PLEKHM3: variants seen among roughly 807,000 people sequenced by gnomAD.
The protein encoded by PLEKHM3 is pleckstrin homology domain-containing family M member 3.
A neutral mutation model predicts 81.8 loss-of-function variants in PLEKHM3; 45 were observed. That is an observed-to-expected ratio of 0.55 (90% CI 0.43 to 0.71). The LOEUF is 0.71. Among genes scored for constraint, PLEKHM3 ranks in the 30% least tolerant of loss-of-function variants. The pLI, the probability that PLEKHM3 is intolerant of heterozygous loss-of-function variation, is 0.00. For missense variants in PLEKHM3, 788 were observed against 924.3 expected (o/e 0.85, Z 1.91); for synonymous variants, 352 against 356.4 (o/e 0.99, Z 0.14).
intron 3 of PLEKHM3, among the ~76,000 whole-genome samples, chr2:207,964,540 G>A (rs1227496842): frequency 6.6e-6 from 1 of 152,166 alleles, no homozygotes; most frequent in Non-Finnish European, 1.5e-5. Flanking sequence ...TATATCTGGA[G>A]CATTAGAATT....
chr2:207,918,479 G>A (rs1219947100), intron 5 of PLEKHM3, among the ~76,000 whole-genome samples: 5 of 152,116 alleles, frequency 3.3e-5, no homozygotes, highest in Non-Finnish European at 5.9e-5. Context: ...CCGAGATTGC[G>A]CCACTGTGCT....
At chr2:208,000,399 T>A (rs997323283) in intron 2 of PLEKHM3, among the ~76,000 whole-genome samples, 2 of 152,234 alleles carry the variant, frequency 1.3e-5, no homozygotes, top group African/African-American at 4.8e-5. Context: ...AAGCCCTTCC[T>A]GAGAAGCCCA....
At chr2:207,908,741 A>G (rs1688709226) in intron 5 of PLEKHM3, among the ~76,000 whole-genome samples, 164 bp from the exon 6 acceptor site, 1 of 152,152 alleles carries the variant, frequency 6.6e-6, no homozygotes, top group African/African-American at 2.4e-5. Context: ...TTTTTCTCAG[A>G]TATTTTTCTT....
chr2:207,882,612 C>CAAAA (rs375414006), intron 6 of PLEKHM3, among the ~76,000 whole-genome samples: 2 of 85,136 alleles, frequency 2.3e-5, no homozygotes, highest in Non-Finnish European at 4.3e-5. Context: ...AACTCCATCT[C>CAAAA]AAAAAAAAAA....
At chr2:207,933,336 AG>A (rs1486183026) in intron 4 of PLEKHM3, among the ~76,000 whole-genome samples, 1 of 152,230 alleles carries the variant, frequency 6.6e-6, no homozygotes, top group Non-Finnish European at 1.5e-5. Flanking sequence ...CCCACAGTTC[AG>A]TGGGAAAGAA....
chr2:207,923,853 A>ACGCG (rs1199307098), intron 5 of PLEKHM3, among the ~76,000 whole-genome samples: 2 of 47,996 alleles, frequency 4.2e-5, no homozygotes, highest in African/African-American at 6.4e-5. Flanking sequence ...ATACACACGC[A>ACGCG]CGCACACACA....
At chr2:207,832,531 C>T (rs892988785) in intron 7 of PLEKHM3, among the ~76,000 whole-genome samples, 20 of 152,290 alleles carry the variant, frequency 1.3e-4, no homozygotes, top group Admixed American at 1.3e-3. Context: ...GTGGCTCATG[C>T]CTGTAATCCC....
intron 5 of PLEKHM3, among the ~76,000 whole-genome samples, chr2:207,916,861 T>C (rs1013910567): frequency 1.3e-5 from 2 of 152,226 alleles, no homozygotes; most frequent in East Asian, 1.9e-4. Context: ...TAAAGAGCTA[T>C]GTATGTATGT....
chr2:207,912,625 A>G (rs1260829046), intron 5 of PLEKHM3, among the ~76,000 whole-genome samples: 6 of 152,230 alleles, frequency 3.9e-5, no homozygotes, highest in African/African-American at 1.4e-4. Flanking sequence ...GAGTTGTAGT[A>G]TGAAAGCACT....
chr2:207,958,468 T>C (rs1243161540), intron 3 of PLEKHM3, among the ~76,000 whole-genome samples: 1 of 152,192 alleles, frequency 6.6e-6, no homozygotes, highest in Admixed American at 6.5e-5. Context: ...ATCAGTTCTA[T>C]TTTCAACATG....
chr2:207,833,111 C>CAAAAAAAA (rs71036960), intron 7 of PLEKHM3, among the ~76,000 whole-genome samples: 1 of 76,872 alleles, frequency 1.3e-5, no homozygotes, highest in African/African-American at 5.2e-5. Flanking sequence ...GACACCATCT[C>CAAAAAAAA]AAAAAAAAAA....
rs1337797752 is a variant in PLEKHM3 at position 207,931,017 on chromosome 2, C to A, written c.1795G>T (p.Ala599Ser). 1.2e-6 allele frequency: 2 copies of A among 1,614,044 alleles called. No homozygotes were observed. Among genetic ancestry groups the A allele is most frequent in the Admixed American group, 3.3e-5 (2 of 60,030 alleles). Residue 599 changes from alanine to serine, a missense_variant, in exon 5 of 8, where the codon GCC becomes TCC. Transcript: ENST00000427836. ...AMLYHHAEPLAAVLRLRQRLK... is the reference protein window; with the variant it reads ...AMLYHHAEPLSAVLRLRQRLK... ...CGCTGCCGCAGCCGCAGCACGGCGG[C>A]CAGCGGCTCTGCGTGGTGGTACAGC...
At chr2:207,858,181 T>TATATA (rs58145531) in intron 7 of PLEKHM3, among the ~76,000 whole-genome samples, 15 of 97,040 alleles carry the variant, frequency 1.5e-4, no homozygotes, top group African/African-American at 3.2e-4. Context: ...TGTGTATATA[T>TATATA]TTTTTTTTTT....
Position 207,983,242 on chromosome 2 carries a change from G to A in PLEKHM3, c.611-5656C>T, listed in dbSNP as rs528977795. Among the ~76,000 whole-genome samples the A allele has an allele frequency of 2.6e-5, 4 of 151,830 alleles. No homozygotes were observed. In the East Asian group the frequency reaches 5.9e-4, roughly 22 times the overall value. On this transcript the variant is annotated intron_variant, in intron 2 of 7. Transcript: ENST00000427836. ...AATTTTTTGTATTTTTAGTACAGAC[G>A]GGGTTTCGCCATGTTAACCAGGATG...
chr2:208,019,211 T>C (rs1693038322), intron 1 of PLEKHM3, among the ~76,000 whole-genome samples: 1 of 151,826 alleles, frequency 6.6e-6, no homozygotes, highest in Admixed American at 6.6e-5. Flanking sequence ...TAGGCTGAGG[T>C]AGGAGGATCG....
At chr2:207,848,531 A>G (rs1289056653) in intron 7 of PLEKHM3, among the ~76,000 whole-genome samples, 1 of 152,270 alleles carries the variant, frequency 6.6e-6, no homozygotes, top group East Asian at 1.9e-4. Context: ...GCTGAGAACA[A>G]TTAGGCATCT....
At chr2:207,992,917 A>T (rs1009290533) in intron 2 of PLEKHM3, among the ~76,000 whole-genome samples, 6 of 152,128 alleles carry the variant, frequency 3.9e-5, no homozygotes, top group African/African-American at 7.2e-5. Context: ...AAATGGCAAA[A>T]AGGTTCAAAA....
Position 207,828,473 on chromosome 2 carries a change from A to G in PLEKHM3, c.2132T>C (p.Phe711Ser). The change falls in exon 8 of 8, where the codon TTC (phenylalanine) becomes TCC (serine). Residue 711 changes from phenylalanine to serine, a missense_variant. Physicochemically the swap from Phe to Ser is radical, Grantham distance 155. Coordinates refer to ENST00000427836, the MANE Select transcript of PLEKHM3 (RefSeq NM_001080475.3). ...AGACTTTTCTTTGCATTCAGAATGGAAAACGGCTCCACAGCTTTCACACCT... is the reference window on the plus strand; with the variant it reads ...AGACTTTTCTTTGCATTCAGAATGGGAAACGGCTCCACAGCTTTCACACCT... The part of the protein sequence containing the change: ...TSRCESCGAV[F>S]HSECKEKSVP... 7 of 1,614,004 alleles carry G rather than the reference A, an allele frequency of 4.3e-6. No individual in the cohort carries two copies. The highest frequency in any genetic ancestry group is 5.9e-6 in the Non-Finnish European group (7 of 1,179,978).
rs549884689 is a variant in PLEKHM3, at chr2:207,948,481, G to A, written c.1547-1969C>T. 5.4e-5 allele frequency among the ~76,000 whole-genome samples: 8 copies of A among 147,578 alleles called. No individual in the cohort carries two copies. The South Asian group carries it at 1.3e-3, about 24-fold the overall frequency. On this transcript the variant is annotated intron_variant, in intron 3 of 7. Transcript: ENST00000427836. ...AGCGATTCTCCTGCCTCAGCCTCCCGAGTAGCTGGGACTACAGGCACGTGC... is the reference window on the plus strand; with the variant it reads ...AGCGATTCTCCTGCCTCAGCCTCCCAAGTAGCTGGGACTACAGGCACGTGC...
Sources: gnomAD v4.1 joint callset for allele counts (sites outside exome capture counted in the v4.1 genomes callset) on GRCh38, gnomAD v4.1.1 for gene constraint, MANE v1.5 for transcripts, NCBI Gene and HGNC (gene_info 2026-07-23, HGNC 2026-07-21) for gene names.